The following LDB3 variants were observed in gnomAD, a reference collection of about 807,000 sequenced individuals.
The protein encoded by LDB3 is LIM domain binding 3.
Under a neutral mutation model 69.0 loss-of-function variants are expected in LDB3, and 49 were observed. The observed-to-expected ratio is 0.71, with a 90% CI of 0.56 to 0.90. The LOEUF is 0.90. Ranked by LOEUF, LDB3 falls within the 40% of genes least tolerant of loss-of-function variation. The pLI is 0.00. For synonymous variants in LDB3, 387 were observed against 396.2 expected (o/e 0.98, Z 0.28); for missense variants, 928 against 974.1 (o/e 0.95, Z 0.63).
chr10:86,681,699 T>TA lies in LDB3; in HGVS notation c.587dup (p.Asn196LysfsTer40). On this transcript the variant is annotated frameshift_variant, in exon 5 of 14. Coordinates refer to ENST00000361373, the MANE Select transcript of LDB3 (RefSeq NM_007078.3). LOFTEE classifies it high-confidence loss of function. Reference sequence around the variant, plus strand: ...CGGGCTCGAGCCAGCCGAGGCAATATAACAACCCCATTGGCCTGTACTCGG... The same window carrying TA: ...CGGGCTCGAGCCAGCCGAGGCAATATAAACAACCCCATTGGCCTGTACTCGG... The TA allele has an allele frequency of 6.2e-7, 1 of 1,613,586 alleles. No individual in the cohort carries two copies. Among genetic ancestry groups the TA allele is most frequent in the Non-Finnish European group, 8.5e-7 (1 of 1,179,892 alleles).
At chr10:86,670,029 CTT>C (rs67549220) in intron 2 of LDB3, among the ~76,000 whole-genome samples, 1 of 92,286 alleles carries the variant, frequency 1.1e-5, no homozygotes, top group South Asian at 4.3e-4. Flanking sequence ...GAGGAGTAAT[CTT>C]TTTTTTGTTC....
At chr10:86,702,553 T>C (rs994817030) in intron 7 of LDB3, among the ~76,000 whole-genome samples, 1 of 152,184 alleles carries the variant, frequency 6.6e-6, no homozygotes, top group Non-Finnish European at 1.5e-5. Context: ...GCCATGAGCA[T>C]GTGGGCCTAG....
At chr10:86,723,018 G>A (rs1257726483) in intron 12 of LDB3, among the ~76,000 whole-genome samples, 2 of 151,868 alleles carry the variant, frequency 1.3e-5, no homozygotes, top group African/African-American at 4.8e-5. Flanking sequence ...TGTAATCATA[G>A]TACTTTAGGA....
rs1844289659 is a variant in LDB3, at chr10:86,668,730, G to C, written c.39G>C (p.Trp13Cys). 6.2e-7 allele frequency: 1 copy of C among 1,613,264 alleles called. No individual in the cohort carries two copies. Among genetic ancestry groups the C allele is most frequent in the African/African-American group, 1.3e-5 (1 of 74,932 alleles). Residue 13 changes from tryptophan (W) to cysteine (C), a missense_variant, in exon 2 of 14, where the codon TGG (tryptophan) becomes TGC (cysteine). Physicochemically the swap from Trp to Cys is radical, Grantham distance 215 (BLOSUM62 -2). Transcript: ENST00000361373. ...YSVTLTGPGP[W>C]GFRLQGGKDF... Reference sequence around the variant, plus strand: ...TGACCCTGACTGGGCCCGGGCCCTGGGGCTTCCGTCTGCAGGGGGGCAAGG... The same window carrying C: ...TGACCCTGACTGGGCCCGGGCCCTGCGGCTTCCGTCTGCAGGGGGGCAAGG...
At chr10:86,720,755 T>C (rs1000722399) in intron 12 of LDB3, among the ~76,000 whole-genome samples, 3 of 152,220 alleles carry the variant, frequency 2.0e-5, no homozygotes, top group African/African-American at 7.2e-5. Context: ...ATGATAGATT[T>C]CCATTATCAC....
At chr10:86,726,803 T>A (rs958007454) in intron 13 of LDB3, among the ~76,000 whole-genome samples, 2 of 152,196 alleles carry the variant, frequency 1.3e-5, no homozygotes, top group African/African-American at 4.8e-5. Context: ...AGATAAGCCC[T>A]GGATTAACTA....
At position 86,704,680 on chromosome 10, in the gene LDB3, C is replaced by T. The variant is rs999657589; in HGVS notation, c.897-1851C>T. ...CTGCAAGCTCCACCTCCTGGGTTCA[C>T]GCCATTCTCCCGCCTCAGCCCCCAA... On this transcript the variant is annotated intron_variant, in intron 7 of 13. Transcript: ENST00000361373. Among the ~76,000 whole-genome samples, 5 of 151,650 alleles carry T rather than the reference C, an allele frequency of 3.3e-5. 1 individual carries two copies. In the South Asian group the frequency reaches 6.2e-4, roughly 19 times the overall value.
At position 86,716,481 on chromosome 10, in the gene LDB3, C is replaced by T. The variant is rs764330273; in HGVS notation, c.1386C>T (p.Thr462=). The change falls in exon 10 of 14, where the codon ACC becomes ACT. Residue 462 remains threonine (T), a synonymous_variant. Coordinates refer to ENST00000361373, the MANE Select transcript of LDB3 (RefSeq NM_007078.3). The part of the protein sequence containing the change: ...TYTPSPAPAY[T]PSPAPNYNPA... ...CTCCATCCCCAGCACCAGCCTATACCCCCTCACCTGCCCCCAACTATAACC... is the reference window on the plus strand; with the variant it reads ...CTCCATCCCCAGCACCAGCCTATACTCCCTCACCTGCCCCCAACTATAACC... 25 of 1,610,002 alleles carry T rather than the reference C, an allele frequency of 1.6e-5. No homozygotes were observed. The Admixed American group carries it at 4.2e-4, about 27-fold the overall frequency.
intron 10 of LDB3, among the ~76,000 whole-genome samples, chr10:86,717,726 T>A (rs111356757): frequency 3.9e-5 from 6 of 152,362 alleles, no homozygotes; most frequent in African/African-American, 1.2e-4. Context: ...CTATAATATG[T>A]TTACCCAGTC....
upstream of LDB3, among the ~76,000 whole-genome samples, chr10:86,667,729 G>A (rs1406436450): frequency 6.6e-6 from 1 of 152,220 alleles, no homozygotes; most frequent in Non-Finnish European, 1.5e-5. Flanking sequence ...AACTGGCTGG[G>A]CCCCCAGAGG....
intron 7 of LDB3, among the ~76,000 whole-genome samples, chr10:86,693,805 C>T (rs539817392): frequency 2.0e-5 from 3 of 152,366 alleles, no homozygotes; most frequent in South Asian, 2.1e-4. Context: ...GCGTGCTGCT[C>T]CCATGCTTGT....
At chr10:86,719,333 A>G (rs1846993463) in intron 12 of LDB3, among the ~76,000 whole-genome samples, 1 of 152,052 alleles carries the variant, frequency 6.6e-6, no homozygotes, top group African/African-American at 2.4e-5. Context: ...TCGAGGCTGC[A>G]GTAACCTGTG....
chr10:86,684,581 T>G (rs920252081), intron 5 of LDB3, among the ~76,000 whole-genome samples: 1 of 152,214 alleles, frequency 6.6e-6, no homozygotes, highest in Non-Finnish European at 1.5e-5. Flanking sequence ...GAGGGAATTT[T>G]ATCAGTTCTG....
At chr10:86,706,760 G>A (rs1378390764) in intron 8 of LDB3, 41 bp downstream of exon 8, 1 of 1,574,840 alleles carries the variant, frequency 6.3e-7, no homozygotes, top group South Asian at 1.1e-5. Flanking sequence ...CTGGGGAAGG[G>A]AGGCAGGAAA....
chr10:86,691,974 A>C lies in LDB3; in HGVS notation c.768A>C (p.Pro256=). 6.2e-7 allele frequency: 1 copy of C among 1,614,222 alleles called. No homozygotes were observed. Among genetic ancestry groups the C allele is most frequent in the Non-Finnish European group, 8.5e-7 (1 of 1,180,040 alleles). Residue 256 remains proline, a synonymous_variant, in exon 6 of 14, where the codon CCA becomes CCC. Coordinates refer to ENST00000361373, the MANE Select transcript of LDB3 (RefSeq NM_007078.3). ...CTGTGATTAAGAGCCAGAACAAGCCAGAAGATGAGGCTGACGAGTGGGCAC... is the reference window on the plus strand; with the variant it reads ...CTGTGATTAAGAGCCAGAACAAGCCCGAAGATGAGGCTGACGAGTGGGCAC... ...YQAVIKSQNK[P]EDEADEWARR...
At chr10:86,701,780 G>A (rs955501544) in intron 7 of LDB3, among the ~76,000 whole-genome samples, 1 of 152,210 alleles carries the variant, frequency 6.6e-6, no homozygotes, top group Admixed American at 6.5e-5. Context: ...AAGCAGAGGT[G>A]CTGATGAGAA....
At chr10:86,684,172 C>T (rs1001101056) in intron 5 of LDB3, among the ~76,000 whole-genome samples, 2 of 152,244 alleles carry the variant, frequency 1.3e-5, no homozygotes, top group African/African-American at 4.8e-5. Context: ...TCTTCTCCTC[C>T]CTTCTGAGGC....
At chr10:86,726,483 A>G (rs910947982) in intron 13 of LDB3, 5 of 559,740 alleles carry the variant, frequency 8.9e-6, no homozygotes, top group Non-Finnish European at 1.6e-5. Flanking sequence ...TTCGTTAAGG[A>G]CAACAGAGTG....
At chr10:86,726,335 C>A in intron 13 of LDB3, 83 bp downstream of exon 13, 1 of 984,640 alleles carries the variant, frequency 1.0e-6, no homozygotes, top group Non-Finnish European at 1.6e-6. Context: ...CCTCTACATA[C>A]CTTGCCACGC....
Sources: gnomAD v4.1 joint callset for allele counts (sites outside exome capture counted in the v4.1 genomes callset) on GRCh38, gnomAD v4.1.1 for gene constraint, MANE v1.5 for transcripts, NCBI Gene and HGNC (gene_info 2026-07-23, HGNC 2026-07-21) for gene names.